The following RNASET2 variants were observed in gnomAD, a reference collection of about 807,000 sequenced individuals.
RNASET2 encodes ribonuclease T2, also known as ribonuclease 6.
In RNASET2, 28 loss-of-function variants were observed where a neutral mutation model predicts 33.9. That is an observed-to-expected ratio of 0.83 (90% CI 0.61 to 1.13). The LOEUF is 1.13. RNASET2 is among the 50% of genes most tolerant of loss of function. The pLI is 0.00. For synonymous variants in RNASET2, 123 were observed against 121.0 expected, an observed-to-expected ratio of 1.02 and a Z score of -0.11; for missense variants, 330 against 319.9, an observed-to-expected ratio of 1.03 and a Z score of -0.24.
chr6:166,929,263 G>A lies in RNASET2; in HGVS notation c.*325C>T, dbSNP rs1203623342. Among the ~76,000 whole-genome samples, 1 of 152,216 alleles carries A rather than the reference G, an allele frequency of 6.6e-6. No individual in the cohort carries two copies. Among genetic ancestry groups the A allele is most frequent in the Non-Finnish European group, 1.5e-5 (1 of 68,044 alleles). On this transcript the variant is annotated 3_prime_UTR_variant, in exon 9 of 9. Coordinates refer to ENST00000508775, the MANE Select transcript of RNASET2 (RefSeq NM_003730.6). ...GGCTCCGAGGGGAAAACTCGAGCAA[G>A]AGAGTCCCCTGAATCGGTGCCATCT...
intron 2 of RNASET2, among the ~76,000 whole-genome samples, chr6:166,951,728 T>C (rs2128647388): frequency 6.6e-6 from 1 of 152,396 alleles, no homozygotes; most frequent in South Asian, 2.1e-4. Flanking sequence ...TGATTAATAA[T>C]ATTCATATAT....
intron 5 of RNASET2, among the ~76,000 whole-genome samples, chr6:166,940,563 T>C (rs1778670670): frequency 6.6e-6 from 1 of 152,152 alleles, no homozygotes; most frequent in Non-Finnish European, 1.5e-5. Context: ...GGGGTAATTC[T>C]GCAGGTGAGA....
At chr6:166,949,050 A>C (rs1778916838) in intron 2 of RNASET2, among the ~76,000 whole-genome samples, 1 of 151,894 alleles carries the variant, frequency 6.6e-6, no homozygotes, top group South Asian at 2.1e-4. Flanking sequence ...CCCCATCTCT[A>C]CTAAAAATAC....
chr6:166,930,719 C>G (rs940886798), intron 8 of RNASET2, among the ~76,000 whole-genome samples: 1 of 151,810 alleles, frequency 6.6e-6, no homozygotes, highest in East Asian at 1.9e-4. Context: ...TGTACATGCA[C>G]ACACAGCACA....
Position 166,933,774 on chromosome 6 carries a change from A to G in RNASET2, c.492+317T>C, listed in dbSNP as rs1778501746. 1.0e-5 allele frequency: 4 copies of G among 394,406 alleles called. No homozygotes were observed. In the South Asian group the frequency reaches 1.6e-4, roughly 16 times the overall value. The allele number at this position is 394,406 out of a possible 1,614,324, so 24.4% of individuals were successfully genotyped here. A position where few individuals can be genotyped will look rare whatever the true frequency, so the allele number is the denominator to read the frequency against. ...ATGAAAACAAACCACAAACAAATAT[A>G]AGACTACGTTATAAAAGTGAATGTG... On this transcript the variant is annotated intron_variant, in intron 7 of 8. Transcript: ENST00000508775. The surrounding 1 kb of genome is among the most constrained non-coding windows in gnomAD (Gnocchi z 4.1).
At chr6:166,955,205 ACACGCACG>A (rs200892235) in intron 1 of RNASET2, among the ~76,000 whole-genome samples, 7 of 111,164 alleles carry the variant, frequency 6.3e-5, no homozygotes, top group Non-Finnish European at 5.2e-5. Context: ...ACGCACGCAC[ACACGCACG>A]CACACACGCG....
intron 3 of RNASET2, chr6:166,948,347 G>GA (rs551866456): frequency 0.18 from 79,883 of 455,056 alleles, 47 homozygotes; most frequent in South Asian, 0.21. Context: ...CTCTGTCTCA[G>GA]AAAAAAAAAA....
At chr6:166,938,642 T>G (rs1341897837) in intron 6 of RNASET2, 1 of 731,102 alleles carries the variant, frequency 1.4e-6, no homozygotes, top group Non-Finnish European at 2.6e-6. Context: ...CCGACTCTGA[T>G]GATGAGATGG....
intron 7 of RNASET2, 182 bp from the exon 8 acceptor site, chr6:166,931,300 C>T (rs1213511986): frequency 3.2e-6 from 2 of 628,702 alleles, no homozygotes; most frequent in Non-Finnish European, 2.8e-6. Context: ...ATGCTGTCAA[C>T]CTGGGCTTCA....
intron 8 of RNASET2, among the ~76,000 whole-genome samples, chr6:166,930,640 G>A (rs539670691): frequency 7.1e-6 from 1 of 141,408 alleles, no homozygotes; most frequent in South Asian, 2.3e-4. Context: ...CCCACATAAT[G>A]TACACACTTG....
rs1778280148 is a variant in RNASET2, at chr6:166,924,821, A to G, written c.*4767T>C. Among the ~76,000 whole-genome samples the G allele has an allele frequency of 6.6e-6, 1 of 152,158 alleles. No homozygotes were observed. Among genetic ancestry groups the G allele is most frequent in the African/African-American group, 2.4e-5 (1 of 41,424 alleles). On this transcript the variant is annotated 3_prime_UTR_variant, in exon 9 of 9. Coordinates refer to ENST00000508775, the MANE Select transcript of RNASET2 (RefSeq NM_003730.6). ...TACAAAATTAGCCGGGCATGGTGGC[A>G]TATGCCACCACTCTTGGAGTGGGCC...
chr6:166,923,109 A>C lies in RNASET2; in HGVS notation c.*6479T>G, dbSNP rs1474438961. On this transcript the variant is annotated 3_prime_UTR_variant, in exon 9 of 9. Coordinates refer to ENST00000508775, the MANE Select transcript of RNASET2 (RefSeq NM_003730.6). ...ATCCATCTCAAACTTTCTTTTGGAG[A>C]TGGAGTCTCACTCTGTTGCCCAGGC... Among the ~76,000 whole-genome samples the C allele has an allele frequency of 6.6e-6, 1 of 151,820 alleles. No homozygotes were observed. The highest frequency in any genetic ancestry group is 1.5e-5 in the Non-Finnish European group (1 of 67,976).
At chr6:166,946,856 T>G (rs1400595273) in intron 3 of RNASET2, 117 bp from the exon 4 acceptor site, 2 of 726,548 alleles carry the variant, frequency 2.8e-6, no homozygotes, top group Non-Finnish European at 2.5e-6. Context: ...AGAGAAATTC[T>G]AATTGGGAAT....
Position 166,923,431 on chromosome 6 carries a change from G to A in RNASET2, c.*6157C>T, listed in dbSNP as rs1423349957. Among the ~76,000 whole-genome samples the A allele has an allele frequency of 1.3e-5, 2 of 151,806 alleles. No individual in the cohort carries two copies. The highest frequency in any genetic ancestry group is 2.1e-4 in the South Asian group (1 of 4,806). On this transcript the variant is annotated 3_prime_UTR_variant, in exon 9 of 9. Coordinates refer to ENST00000508775, the MANE Select transcript of RNASET2 (RefSeq NM_003730.6). The stretch of plus-strand genomic sequence containing the variant: ...GATAGGGTTTCGTCCTGTTGGCCAG[G>A]GTGGTCTTGAACGCTTGACCTCAAG...
intron 4 of RNASET2, chr6:166,943,356 T>C (rs1033394905): frequency 1.8e-5 from 7 of 381,740 alleles, no homozygotes; most frequent in Admixed American, 1.5e-4. Flanking sequence ...AATGGAATAT[T>C]TTCAGCAACA....
intron 5 of RNASET2, among the ~76,000 whole-genome samples, chr6:166,940,027 T>G (rs757960142): frequency 8.5e-5 from 13 of 152,218 alleles, no homozygotes; most frequent in Admixed American, 2.0e-4. Context: ...TGAAGGTCAC[T>G]CAGAGCCTGC....
rs372788481 is a variant in RNASET2, at chr6:166,934,052, G to T, written c.492+39C>A. On this transcript the variant is annotated intron_variant, in intron 7 of 8. Transcript: ENST00000508775. ...GAAACGGCCCTACTGGAGGTCCCCG[G>T]GAGAGACACACGAGAAAAGAAGCAA... The T allele has an allele frequency of 1.0e-5, 16 of 1,544,912 alleles. No individual in the cohort carries two copies. In the African/African-American group the frequency reaches 2.2e-4, roughly 21 times the overall value.
In RNASET2 at chr6:166,928,101, C is replaced by A. The variant is rs576290751; in HGVS notation, c.*1487G>T. Among the ~76,000 whole-genome samples the A allele has an allele frequency of 9.5e-4, 144 of 152,334 alleles. No individual in the cohort carries two copies. Among genetic ancestry groups the A allele is most frequent in the Admixed American group, 2.3e-3 (35 of 15,308 alleles). On this transcript the variant is annotated 3_prime_UTR_variant, in exon 9 of 9. Coordinates refer to ENST00000508775, the MANE Select transcript of RNASET2 (RefSeq NM_003730.6). The stretch of plus-strand genomic sequence containing the variant: ...TACAGGGACTGCTTCCATCAAATCC[C>A]CCATCATCTCACTCTGTCTGTCTGC...
At chr6:166,946,625 G>T in intron 4 of RNASET2, 57 bp downstream of exon 4, 2 of 958,422 alleles carry the variant, frequency 2.1e-6, no homozygotes, top group Non-Finnish European at 3.3e-6. Flanking sequence ...CGCTTGTGAA[G>T]AAAAGAGTTA....
Sources: allele counts gnomAD v4.1 joint callset (sites outside exome capture counted in the v4.1 genomes callset), GRCh38; gene constraint gnomAD v4.1.1; non-coding constraint Gnocchi (gnomAD v3.1); transcripts MANE v1.5; gene names NCBI Gene and HGNC (gene_info 2026-07-23, HGNC 2026-07-21).